Variants in PDE1A observed in about 807,000 individuals in gnomAD.
PDE1A encodes phosphodiesterase 1A.
In PDE1A, 35 loss-of-function variants were observed where a neutral mutation model predicts 61.7. The ratio of observed to expected loss-of-function variants is 0.57; its 90% confidence interval spans 0.43 to 0.75. The LOEUF (loss-of-function observed/expected upper bound fraction) is 0.75, where lower values mean the gene tolerates loss of function less well. Ranked by LOEUF, PDE1A falls within the 30% of genes least tolerant of loss-of-function variation. The probability of loss-of-function intolerance (pLI) is 0.00; values close to 1 mark genes in which losing one functional copy is unlikely to be tolerated. For synonymous variants in PDE1A, 232 were observed against 213.2 expected, an observed-to-expected ratio of 1.09 and a Z score of -0.77; for missense variants, 597 against 630.6, an observed-to-expected ratio of 0.95 and a Z score of 0.57.
chr2:182,572,428 G>A, the PDE1A span, among the ~76,000 whole-genome samples: 1 of 152,110 alleles, frequency 6.6e-6, no homozygotes, highest in Non-Finnish European at 1.5e-5. Context: ...TCTTCTCATG[G>A]TTCCAAGTTT....
intron 1 of PDE1A, among the ~76,000 whole-genome samples, chr2:182,317,374 C>T (rs1383266871): frequency 6.6e-6 from 1 of 151,958 alleles, no homozygotes; most frequent in Non-Finnish European, 1.5e-5. Context: ...TAAAGGACTA[C>T]AGCCATTACA....
chr2:182,564,157 C>G, the PDE1A span, among the ~76,000 whole-genome samples: 1 of 152,272 alleles, frequency 6.6e-6, no homozygotes, highest in East Asian at 1.9e-4. Flanking sequence ...CCTCGATGGT[C>G]TTTACAATTT....
intron 1 of PDE1A, among the ~76,000 whole-genome samples, chr2:182,275,469 C>T (rs756824325): frequency 7.2e-5 from 11 of 152,094 alleles, no homozygotes; most frequent in Non-Finnish European, 1.5e-4. Context: ...AGGCCCAGAA[C>T]CGCAATACAC....
At chr2:182,569,254 A>AATATATAT in the PDE1A span, among the ~76,000 whole-genome samples, 6,903 of 138,422 alleles carry the variant, frequency 0.05, 675 homozygotes, top group African/African-American at 0.18. Context: ...ACCTGTCTCA[A>AATATATAT]ATATATATAT....
chr2:182,683,437 A>G, the PDE1A span, among the ~76,000 whole-genome samples: 1 of 152,126 alleles, frequency 6.6e-6, no homozygotes, highest in African/African-American at 2.4e-5. Context: ...CTAAATGTGG[A>G]AAAAGATAAA....
chr2:182,559,997 G>T, the PDE1A span, among the ~76,000 whole-genome samples: 3 of 151,836 alleles, frequency 2.0e-5, no homozygotes, highest in African/African-American at 4.8e-5. Context: ...GGTAGTTTGT[G>T]GGGGAAGAGA....
chr2:182,418,821 T>G (rs1179416491), intron 1 of PDE1A, among the ~76,000 whole-genome samples: 1 of 152,004 alleles, frequency 6.6e-6, no homozygotes, highest in Non-Finnish European at 1.5e-5. Flanking sequence ...TTCCTCTTCC[T>G]CTTAAGCCGG....
At chr2:182,184,858 A>C (rs1685075541) in intron 13 of PDE1A, among the ~76,000 whole-genome samples, 1 of 152,112 alleles carries the variant, frequency 6.6e-6, no homozygotes, top group South Asian at 2.1e-4. Flanking sequence ...CTCCCACTTT[A>C]TTATCCTTCA....
intron 2 of PDE1A, among the ~76,000 whole-genome samples, chr2:182,249,216 ACAC>A (rs1691211120): frequency 6.6e-6 from 1 of 152,216 alleles, no homozygotes; most frequent in African/African-American, 2.4e-5. Context: ...AAGGGTACAA[ACAC>A]CAATAGCGTC....
At chr2:182,539,097 T>G in the PDE1A span, among the ~76,000 whole-genome samples, 1 of 152,192 alleles carries the variant, frequency 6.6e-6, no homozygotes, top group Non-Finnish European at 1.5e-5. Context: ...TCCCACTGAT[T>G]TGGTCCAGCC....
chr2:182,568,535 G>A, the PDE1A span, among the ~76,000 whole-genome samples: 8 of 152,032 alleles, frequency 5.3e-5, no homozygotes, highest in East Asian at 1.9e-4. Flanking sequence ...GCGCAGTGGC[G>A]GGCGCCTGTA....
At chr2:182,499,709 G>A (rs1438317751) in intron 2 of PDE1A, among the ~76,000 whole-genome samples, 2 of 152,190 alleles carry the variant, frequency 1.3e-5, no homozygotes, top group African/African-American at 4.8e-5. Context: ...TTTTACTTAT[G>A]TTTGAACCAA....
At chr2:182,658,149 T>C in the PDE1A span, among the ~76,000 whole-genome samples, 1 of 149,906 alleles carries the variant, frequency 6.7e-6, no homozygotes, top group Non-Finnish European at 1.5e-5. Flanking sequence ...ACAAACTACA[T>C]GGCTTAAAAT....
In PDE1A at chr2:182,443,466, C is replaced by T. The variant is rs190608689; in HGVS notation, c.101+78810G>A. Among the ~76,000 whole-genome samples, 14 of 151,852 alleles carry T rather than the reference C, an allele frequency of 9.2e-5. No homozygotes were observed. The East Asian group carries it at 2.2e-3, about 23-fold the overall frequency. ...GTGGGAGGTTATTTGATCATGGGGGCGGATCTCCCCCTTGCTGGTCTCGAG... is the reference window on the plus strand; with the variant it reads ...GTGGGAGGTTATTTGATCATGGGGGTGGATCTCCCCCTTGCTGGTCTCGAG... On this transcript the variant is annotated intron_variant, in intron 2 of 14. Transcript: ENST00000410103.
At chr2:182,391,607 T>TA (rs1701424879) in intron 1 of PDE1A, among the ~76,000 whole-genome samples, 1 of 152,216 alleles carries the variant, frequency 6.6e-6, no homozygotes, top group Non-Finnish European at 1.5e-5. Context: ...CTTCTCTATA[T>TA]GCCACATCTT....
intron 1 of PDE1A, among the ~76,000 whole-genome samples, chr2:182,373,558 A>C (rs1280896346): frequency 6.6e-6 from 1 of 152,228 alleles, no homozygotes; most frequent in African/African-American, 2.4e-5. Flanking sequence ...ACACAGCTGA[A>C]ACAGAATAAG....
At chr2:182,228,724 T>TA (rs1689333883) in intron 6 of PDE1A, among the ~76,000 whole-genome samples, 1 of 152,154 alleles carries the variant, frequency 6.6e-6, no homozygotes, top group Non-Finnish European at 1.5e-5. Flanking sequence ...CCATCTATGG[T>TA]AAAAGTTCTC....
At chr2:182,698,485 T>C in the PDE1A span, among the ~76,000 whole-genome samples, 1 of 152,220 alleles carries the variant, frequency 6.6e-6, no homozygotes, top group Non-Finnish European at 1.5e-5. Flanking sequence ...TAAATTATGC[T>C]AACTCCATCA....
chr2:182,491,333 A>C (rs556548753), intron 2 of PDE1A, among the ~76,000 whole-genome samples: 17 of 152,304 alleles, frequency 1.1e-4, no homozygotes, highest in African/African-American at 4.1e-4. Flanking sequence ...AAGGGAGTTT[A>C]GTGAGTATGC....
Sources: gnomAD v4.1 joint callset for allele counts (sites outside exome capture counted in the v4.1 genomes callset) on GRCh38, gnomAD v4.1.1 for gene constraint, MANE v1.5 for transcripts, NCBI Gene and HGNC (gene_info 2026-07-23, HGNC 2026-07-21) for gene names.